The following ZDHHC21 variants were observed in gnomAD, a reference collection of about 807,000 sequenced individuals.
ZDHHC21 encodes palmitoyltransferase ZDHHC21.
ZDHHC21 carries 15 observed loss-of-function variants against 34.6 expected under a neutral mutation model. That is an observed-to-expected ratio of 0.43 (90% CI 0.29 to 0.67). ZDHHC21 has a LOEUF of 0.67. Ranked by LOEUF, ZDHHC21 falls within the 30% of genes least tolerant of loss-of-function variation. The probability of loss-of-function intolerance (pLI) is 0.14; values close to 1 mark genes in which losing one functional copy is unlikely to be tolerated. For synonymous variants in ZDHHC21, 142 were observed against 101.8 expected, an observed-to-expected ratio of 1.40 and a Z score of -2.38; for missense variants, 344 against 327.7, an observed-to-expected ratio of 1.05 and a Z score of -0.38.
At chr9:14,607,597 T>C (rs17286579), downstream of ZDHHC21, among the ~76,000 whole-genome samples, 9,748 of 147,918 alleles carry the variant, frequency 0.066, 362 homozygotes, top group Admixed American at 0.12. Context: ...CATTTTGTTC[T>C]AGACGGTGAT....
chr9:14,666,538 G>A (rs1587318359), intron 5 of ZDHHC21, among the ~76,000 whole-genome samples: 1 of 99,362 alleles, frequency 1.0e-5, no homozygotes, highest in Non-Finnish European at 2.2e-5. Flanking sequence ...CAAATCAACA[G>A]AATATACATT....
intron 7 of ZDHHC21, among the ~76,000 whole-genome samples, chr9:14,640,666 T>C (rs1829224738): frequency 1.3e-5 from 2 of 152,090 alleles, no homozygotes; most frequent in Non-Finnish European, 1.5e-5. Context: ...ACAGTTTATT[T>C]AGAAAGAGAG....
rs573147557 is a variant in ZDHHC21 at position 14,617,999 on chromosome 9, A to T, written c.*967T>A. 6.6e-6 allele frequency: 1 copy of T among 152,564 alleles called. No individual in the cohort carries two copies. The highest frequency in any genetic ancestry group is 6.5e-5 in the Admixed American group (1 of 15,270). 9.5% of individuals were successfully genotyped at this position (152,564 alleles called of 1,614,324 possible). On this transcript the variant is annotated 3_prime_UTR_variant, in exon 10 of 10. Coordinates refer to ENST00000380916, the MANE Select transcript of ZDHHC21 (RefSeq NM_178566.6). ...TTTTACATCTACTAGTACATAAATAAAAGTAAAAAGTATACTCTTTTCAAA... is the reference window on the plus strand; with the variant it reads ...TTTTACATCTACTAGTACATAAATATAAGTAAAAAGTATACTCTTTTCAAA...
At chr9:14,656,930 A>G (rs1361786491) in intron 7 of ZDHHC21, among the ~76,000 whole-genome samples, 1 of 151,916 alleles carries the variant, frequency 6.6e-6, no homozygotes, top group African/African-American at 2.4e-5. Context: ...GATATTTTTA[A>G]TCTCTTAATA....
At chr9:14,631,850 G>A (rs943643175) in intron 8 of ZDHHC21, among the ~76,000 whole-genome samples, 11 of 152,018 alleles carry the variant, frequency 7.2e-5, no homozygotes, top group South Asian at 4.2e-4. Flanking sequence ...GCAGTTTGTG[G>A]TGCCCCAAAA....
Position 14,619,662 on chromosome 9 carries a change from CT to C in ZDHHC21, c.641del (p.Lys214ArgfsTer73). 1.4e-6 allele frequency: 2 copies of C among 1,405,902 alleles called. No individual in the cohort carries two copies. The highest frequency in any genetic ancestry group is 2.0e-5 in the Admixed American group (1 of 48,962). The allele number at this position is 1,405,902 out of a possible 1,614,324, so 87.1% of individuals were successfully genotyped here. A position where few individuals can be genotyped will look rare whatever the true frequency, so the allele number is the denominator to read the frequency against. ...GIITDTTSIEKMSNCCEDISR... is the reference protein window; with the variant it reads ...GIITDTTSIEXMSNCCEDISR... ...ACATATCTTCACAACAGTTTGACAT[CT>C]TTTCAATAGATGTTGTATCCTATTA... On this transcript the variant is annotated frameshift_variant, in exon 9 of 10. Transcript: ENST00000380916. LOFTEE classifies it high-confidence loss of function.
At chr9:14,593,797 C>G in the ZDHHC21 span, 1 of 152,616 alleles carries the variant, frequency 6.6e-6, no homozygotes, top group African/African-American at 2.4e-5. Flanking sequence ...AGAGAGATGA[C>G]CCAGGATGGA....
intron 2 of ZDHHC21, among the ~76,000 whole-genome samples, chr9:14,688,616 C>A (rs1237591863): frequency 6.6e-6 from 1 of 152,044 alleles, no homozygotes; most frequent in Non-Finnish European, 1.5e-5. Context: ...AATCCCAGCA[C>A]TTTGGGAGGC....
At chr9:14,609,660 C>T (rs187411248), downstream of ZDHHC21, among the ~76,000 whole-genome samples, 329 of 152,008 alleles carry the variant, frequency 2.2e-3, no homozygotes, top group Non-Finnish European at 3.3e-3. Flanking sequence ...TCTGACAAGA[C>T]CAGTGGTAAT....
chr9:14,692,195 G>C (rs1425284947), intron 1 of ZDHHC21, among the ~76,000 whole-genome samples: 1 of 152,084 alleles, frequency 6.6e-6, no homozygotes, highest in East Asian at 1.9e-4. Context: ...CTAAAGAGTT[G>C]GAAGAATTTA....
At chr9:14,645,068 C>CT (rs1279901817) in intron 7 of ZDHHC21, among the ~76,000 whole-genome samples, 1 of 151,648 alleles carries the variant, frequency 6.6e-6, no homozygotes, top group African/African-American at 2.4e-5. Flanking sequence ...TGGTTTGTGG[C>CT]TCTACACAAT....
chr9:14,662,544 T>C (rs956133467), intron 5 of ZDHHC21, among the ~76,000 whole-genome samples: 4 of 152,146 alleles, frequency 2.6e-5, no homozygotes, highest in African/African-American at 9.6e-5. Flanking sequence ...ACTAAAAAAA[T>C]AAGACACTAT....
Position 14,619,030 on chromosome 9 carries a change from C to A in ZDHHC21, c.734G>T (p.Trp245Leu). 6.2e-7 allele frequency: 1 copy of A among 1,612,200 alleles called. No individual in the cohort carries two copies. Among genetic ancestry groups the A allele is most frequent in the Non-Finnish European group, 8.5e-7 (1 of 1,178,988 alleles). ...EVFGTRWKILWFIPFRQRQPL... is the reference protein window; with the variant it reads ...EVFGTRWKILLFIPFRQRQPL... Reference sequence around the variant, plus strand: ...TTGCCTCTGCCTGAAAGGAATGAACCACAGGATCTTCCAACGAGTGCCAAA... The same window carrying A: ...TTGCCTCTGCCTGAAAGGAATGAACAACAGGATCTTCCAACGAGTGCCAAA... Residue 245 changes from tryptophan (W) to leucine (L), a missense_variant, in exon 10 of 10, where the codon TGG (tryptophan) becomes TTG (leucine). By Grantham distance (61) the Trp-to-Leu change is moderately conservative. Coordinates refer to ENST00000380916, the MANE Select transcript of ZDHHC21 (RefSeq NM_178566.6).
chr9:14,592,280 C>T, the ZDHHC21 span, among the ~76,000 whole-genome samples: 1 of 152,008 alleles, frequency 6.6e-6, no homozygotes, highest in Admixed American at 6.6e-5. Flanking sequence ...TGGATTTATA[C>T]TTATTTAATT....
intron 8 of ZDHHC21, among the ~76,000 whole-genome samples, chr9:14,625,958 C>G (rs1826134169): frequency 6.6e-6 from 1 of 151,618 alleles, no homozygotes; most frequent in Non-Finnish European, 1.5e-5. Context: ...GTCAAGTATA[C>G]AGGAAATAAT....
intron 3 of ZDHHC21, among the ~76,000 whole-genome samples, chr9:14,674,953 A>G (rs917414133): frequency 2.0e-5 from 3 of 152,040 alleles, no homozygotes; most frequent in Non-Finnish European, 4.4e-5. Flanking sequence ...ACTGAGCTGT[A>G]TACTTCAGAT....
chr9:14,682,935 CT>C (rs1837633532), intron 2 of ZDHHC21, among the ~76,000 whole-genome samples: 1 of 152,204 alleles, frequency 6.6e-6, no homozygotes, highest in Non-Finnish European at 1.5e-5. Context: ...TCCTGAGTGA[CT>C]ACTAGGTACA....
At chr9:14,648,190 T>C (rs1279813086) in intron 7 of ZDHHC21, among the ~76,000 whole-genome samples, 1 of 152,120 alleles carries the variant, frequency 6.6e-6, no homozygotes, top group African/African-American at 2.4e-5. Context: ...CTCTTCAAAC[T>C]ATAATAGACC....
intron 6 of ZDHHC21, among the ~76,000 whole-genome samples, chr9:14,660,427 G>C (rs1166007275): frequency 7.4e-6 from 1 of 135,184 alleles, no homozygotes; most frequent in Non-Finnish European, 1.6e-5. Context: ...AGAAAACCTT[G>C]AGGCAACGTG....
Sources: gnomAD v4.1 joint callset for allele counts (sites outside exome capture counted in the v4.1 genomes callset) on GRCh38, gnomAD v4.1.1 for gene constraint, MANE v1.5 for transcripts, NCBI Gene and HGNC (gene_info 2026-07-23, HGNC 2026-07-21) for gene names.